Variants in EMILIN2 observed in about 807,000 individuals in gnomAD.
The protein encoded by EMILIN2 is EMILIN-2.
Under a neutral mutation model 87.1 loss-of-function variants are expected in EMILIN2, and 71 were observed. The observed-to-expected ratio is 0.82, with a 90% confidence interval of 0.67 to 0.99. The LOEUF (loss-of-function observed/expected upper bound fraction) is 0.99, where lower values mean the gene tolerates loss of function less well. EMILIN2 is among the 50% of genes least tolerant of loss of function. EMILIN2 has a pLI of 0.00. For missense variants in EMILIN2, 1,407 were observed against 1,371.8 expected (o/e 1.03, Z -0.40); for synonymous variants, 581 against 563.4 (o/e 1.03, Z -0.44).
chr18:2,895,404 A>T (rs1256160360), intron 4 of EMILIN2, among the ~76,000 whole-genome samples: 1 of 152,184 alleles, frequency 6.6e-6, no homozygotes, highest in African/African-American at 2.4e-5. Context: ...GACATTGTGG[A>T]TTAGCTATTT....
At chr18:2,873,670 G>C (rs988434560) in intron 2 of EMILIN2, among the ~76,000 whole-genome samples, 3 of 152,072 alleles carry the variant, frequency 2.0e-5, no homozygotes, top group African/African-American at 7.3e-5. Flanking sequence ...TCGCGTCACT[G>C]CACTCCAGCC....
chr18:2,909,060 C>A, intron 6 of EMILIN2, 85 bp downstream of exon 6: 2 of 1,514,342 alleles, frequency 1.3e-6, no homozygotes, highest in Non-Finnish European at 1.8e-6. Context: ...CCTCCTCCCT[C>A]CAGGCTATTA....
intron 2 of EMILIN2, among the ~76,000 whole-genome samples, chr18:2,849,869 G>T (rs1400018666): frequency 6.6e-6 from 1 of 152,072 alleles, no homozygotes; most frequent in African/African-American, 2.4e-5. Context: ...GAACAGAATG[G>T]TTTATCTTAT....
At chr18:2,875,355 A>C (rs994736021) in intron 2 of EMILIN2, among the ~76,000 whole-genome samples, 59 of 152,178 alleles carry the variant, frequency 3.9e-4, no homozygotes, top group African/African-American at 1.4e-3. Context: ...CCGTGGGAAC[A>C]CTCGGGGAGC....
At position 2,894,602 on chromosome 18, in the gene EMILIN2, C is replaced by T. The variant is rs1015580974; in HGVS notation, c.2359+2116C>T. 5.9e-5 allele frequency among the ~76,000 whole-genome samples: 9 copies of T among 152,182 alleles called. No homozygotes were observed. The highest frequency in any genetic ancestry group is 2.1e-4 in the South Asian group (1 of 4,820). ...GCGTGGGAAGCTGTGTTAACATTTT[C>T]GCATTTGTCTGTTGCAGTAGGAGTT... On this transcript the variant is annotated intron_variant, in intron 4 of 7. Coordinates refer to ENST00000254528, the MANE Select transcript of EMILIN2 (RefSeq NM_032048.3). The surrounding 1 kb of genome is among the most constrained non-coding windows in gnomAD (Gnocchi z 5.0).
In EMILIN2 at chr18:2,915,477, CAG is replaced by C. The variant is rs2076963041; in HGVS notation, c.*2076_*2077del. ...CCTGAAGTAGTGCCTGCGAGTCAGTCAGAGGCATACCAAACCCTGAGACAGAA... is the reference window on the plus strand; with the variant it reads ...CCTGAAGTAGTGCCTGCGAGTCAGTCAGGCATACCAAACCCTGAGACAGAA... On this transcript the variant is annotated 3_prime_UTR_variant, in exon 8 of 8. Transcript: ENST00000254528. 1 of 151,882 alleles carries C rather than the reference CAG, an allele frequency of 6.6e-6. No homozygotes were observed. Among genetic ancestry groups the C allele is most frequent in the Non-Finnish European group, 1.5e-5 (1 of 68,050 alleles). 9.4% of individuals were successfully genotyped at this position (151,882 alleles called of 1,614,324 possible).
chr18:2,913,347 T>C lies in EMILIN2; in HGVS notation c.3105T>C (p.Asp1035=), dbSNP rs2076951679. ...TGGKLAHTDF[D]EMYSTFSGVF... is the part of the protein sequence containing the mutation. ...GCAAGCTGGCTCACACAGACTTTGA[T>C]GAAATGTACTCCACATTTAGTGGGG... Residue 1035 remains aspartate (D), a synonymous_variant, in exon 8 of 8, where the codon GAT becomes GAC. Transcript: ENST00000254528. The C allele has an allele frequency of 6.2e-7, 1 of 1,612,332 alleles. No homozygotes were observed. The highest frequency in any genetic ancestry group is 8.5e-7 in the Non-Finnish European group (1 of 1,179,084).
At chr18:2,872,654 G>GT (rs1209828597) in intron 2 of EMILIN2, among the ~76,000 whole-genome samples, 1 of 152,198 alleles carries the variant, frequency 6.6e-6, no homozygotes, top group Non-Finnish European at 1.5e-5. Flanking sequence ...GGCAATCTCA[G>GT]TGTGACCTTT....
intron 6 of EMILIN2, 74 bp downstream of exon 6, chr18:2,909,049 G>GCCTCCTC: frequency 6.5e-7 from 1 of 1,547,976 alleles, no homozygotes; most frequent in Non-Finnish European, 8.9e-7. Flanking sequence ...TGCATCTCCT[G>GCCTCCTC]CCTCCTCCCT....
intron 2 of EMILIN2, among the ~76,000 whole-genome samples, chr18:2,864,694 C>T (rs1394284962): frequency 6.6e-6 from 1 of 152,096 alleles, no homozygotes; most frequent in East Asian, 1.9e-4. Flanking sequence ...AATTATGTGT[C>T]TTGGAGTTGC....
rs765388816 is a variant in EMILIN2, at chr18:2,848,418, G to A, written c.257+487G>A. Among the ~76,000 whole-genome samples, 26 of 152,268 alleles carry A rather than the reference G, an allele frequency of 1.7e-4. No homozygotes were observed. Among genetic ancestry groups the A allele is most frequent in the Admixed American group, 5.9e-4 (9 of 15,296 alleles). ...TGTCCCCATAAAACGGAATCTTCCA[G>A]TTTTGTAGATGTCTAAGCTAAAACC... On this transcript the variant is annotated intron_variant, in intron 2 of 7. Transcript: ENST00000254528. The surrounding 1 kb of genome is among the most constrained non-coding windows in gnomAD (Gnocchi z 4.1).
Position 2,880,842 on chromosome 18 carries a change from G to C in EMILIN2, c.258-4122G>C, listed in dbSNP as rs114299796. Among the ~76,000 whole-genome samples the C allele has an allele frequency of 0.013, 2,024 of 152,272 alleles. 40 individuals are homozygous for C. Among genetic ancestry groups the C allele is most frequent in the African/African-American group, 0.046 (1,930 of 41,546 alleles). On this transcript the variant is annotated intron_variant, in intron 2 of 7. Transcript: ENST00000254528. This position sits in a 1 kb window ranked among gnomAD's most constrained non-coding sequence, Gnocchi z 4.1. ...AGGGAGGAAGTGGGTCCTGGGTCTG[G>C]GGCTTTTCCACTTTGGCTGCACTTG...
chr18:2,893,305 A>G (rs2076848397), intron 4 of EMILIN2, among the ~76,000 whole-genome samples: 1 of 151,968 alleles, frequency 6.6e-6, no homozygotes, highest in African/African-American at 2.4e-5. Context: ...TTCAAGCATC[A>G]CTTTTTATCT....
intron 7 of EMILIN2, among the ~76,000 whole-genome samples, chr18:2,911,777 T>C (rs2076941884): frequency 6.6e-6 from 1 of 152,276 alleles, no homozygotes; most frequent in Admixed American, 6.5e-5. Context: ...CCCAGAGCTA[T>C]CTCTTGTCTT....
chr18:2,863,428 C>T (rs576137612), intron 2 of EMILIN2, among the ~76,000 whole-genome samples: 2 of 152,228 alleles, frequency 1.3e-5, no homozygotes, highest in South Asian at 4.2e-4. Flanking sequence ...TGTCTTTGTT[C>T]TCGTTGGTTT....
At chr18:2,873,822 A>T (rs1323542249) in intron 2 of EMILIN2, among the ~76,000 whole-genome samples, 1 of 152,200 alleles carries the variant, frequency 6.6e-6, no homozygotes, top group Non-Finnish European at 1.5e-5. Context: ...CTCTTGAAGT[A>T]CAGGAGTTGT....
At chr18:2,883,535 G>A (rs909771712) in intron 2 of EMILIN2, among the ~76,000 whole-genome samples, 7 of 152,250 alleles carry the variant, frequency 4.6e-5, no homozygotes, top group Non-Finnish European at 8.8e-5. Flanking sequence ...GAAGTAGGGA[G>A]GCCCCATCCT....
intron 3 of EMILIN2, among the ~76,000 whole-genome samples, chr18:2,887,483 A>G (rs540118742): frequency 2.7e-5 from 3 of 109,208 alleles, no homozygotes; most frequent in Admixed American, 9.2e-5. Flanking sequence ...GTAATAAATG[A>G]GTTCTTGCTC....
At chr18:2,866,660 C>G (rs766186658) in intron 2 of EMILIN2, among the ~76,000 whole-genome samples, 2 of 152,212 alleles carry the variant, frequency 1.3e-5, no homozygotes, top group African/African-American at 2.4e-5. Context: ...AGTTTGACTT[C>G]CTCTTTACAG....
Sources: gnomAD v4.1 joint callset for allele counts (sites outside exome capture counted in the v4.1 genomes callset) on GRCh38, gnomAD v4.1.1 for gene constraint, Gnocchi (gnomAD v3.1) non-coding constraint, MANE v1.5 for transcripts, NCBI Gene and HGNC (gene_info 2026-07-23, HGNC 2026-07-21) for gene names.